CRIP3: variants seen among roughly 807,000 people sequenced by gnomAD.
CRIP3 encodes cysteine rich protein 3.
Under a neutral mutation model 30.3 loss-of-function variants are expected in CRIP3, and 23 were observed. The observed-to-expected ratio is 0.76, with a 90% CI of 0.55 to 1.08. The LOEUF (loss-of-function observed/expected upper bound fraction) is 1.08. CRIP3 is among the 50% of genes least tolerant of loss of function. The pLI, the probability that CRIP3 is intolerant of heterozygous loss-of-function variation, is 0.00. For missense variants in CRIP3, 261 were observed against 259.3 expected, an observed-to-expected ratio of 1.01 and a Z score of -0.04; for synonymous variants, 89 against 97.6, an observed-to-expected ratio of 0.91 and a Z score of 0.52.
Position 43,308,386 on chromosome 6 carries a change from TGC to T in CRIP3, c.65_66del (p.Gly22GlufsTer11). On this transcript the variant is annotated frameshift_variant, in exon 2 of 8. Coordinates refer to ENST00000372569, the MANE Select transcript of CRIP3 (RefSeq NM_206922.3). LOFTEE classifies it high-confidence loss of function. The stretch of plus-strand genomic sequence containing the variant: ...TTCAGGCAGAAGCGGTGCCAGTTCT[TGC>T]CCAGGGAGCTCACCTTCTCAGCTGT... ...VFFAEKVSSLGKNWHRFCLKC... is the reference protein window; with the variant it reads ...VFFAEKVSSLXKNWHRFCLKC... The T allele has an allele frequency of 6.2e-7, 1 of 1,612,968 alleles. No homozygotes were observed. Among genetic ancestry groups the T allele is most frequent in the Non-Finnish European group, 8.5e-7 (1 of 1,179,722 alleles).
At position 43,306,303 on chromosome 6, in the gene CRIP3, C is replaced by T. The variant is rs527909130; in HGVS notation, c.411G>A (p.Val137=). ...GGTGCCAATTTCTGCCTAATGACATCACCTTCTCAGCTGGTGGTGGAAAGA... is the reference window on the plus strand; with the variant it reads ...GGTGCCAATTTCTGCCTAATGACATTACCTTCTCAGCTGGTGGTGGAAAGA... ...CGEPVYFAEK[V]MSLGRNWHRP... The change falls in exon 6 of 8, where the codon GTG becomes GTA. Residue 137 remains valine (V), a synonymous_variant. Transcript: ENST00000372569. 1.9e-6 allele frequency: 3 copies of T among 1,614,108 alleles called. No homozygotes were observed. The South Asian group carries it at 3.3e-5, about 18-fold the overall frequency.
Position 43,305,826 on chromosome 6 carries a change from TA to T in CRIP3, c.602del (p.Ile201LysfsTer47), listed in dbSNP as rs1778913409. ...VGCYIYDPVK[I>X]KFK ...TTTTGTGAGCGTCTCATTTGAATTT[TA>T]TCTTCACTGGGTCATAGATGTAGCA... On this transcript the variant is annotated frameshift_variant, in exon 8 of 8. Transcript: ENST00000372569. LOFTEE classifies it high-confidence loss of function. 6.2e-7 allele frequency: 1 copy of T among 1,614,184 alleles called. No homozygotes were observed. The highest frequency in any genetic ancestry group is 8.5e-7 in the Non-Finnish European group (1 of 1,180,042).
chr6:43,305,570 G>T lies in CRIP3; in HGVS notation c.*244C>A. ...AGCTCCAGAATGTGCTGGGGAAAGG[G>T]GTTGTGATGGCCAGGAGGAGGATAC... is the stretch of plus-strand genomic sequence containing the variant. On this transcript the variant is annotated 3_prime_UTR_variant, in exon 8 of 8. Transcript: ENST00000372569. 1.7e-6 allele frequency: 1 copy of T among 577,940 alleles called. No individual in the cohort carries two copies. 35.8% of individuals were successfully genotyped at this position (577,940 alleles called of 1,614,324 possible).
Position 43,306,240 on chromosome 6 carries a change from C to G in CRIP3, c.474G>C (p.Leu158=). The G allele has an allele frequency of 6.2e-7, 1 of 1,614,188 alleles. No homozygotes were observed. The highest frequency in any genetic ancestry group is 8.5e-7 in the Non-Finnish European group (1 of 1,180,030). The stretch of plus-strand genomic sequence containing the variant: ...TCACCTCAGCATGACTCCCAGCAGT[C>G]AGGGTCTTGTGGCAACGCTGGCACC... ...CLRCQRCHKT[L]TAGSHAEHDG... The change falls in exon 6 of 8, where the codon CTG becomes CTC. Residue 158 remains leucine (L), a synonymous_variant. Transcript: ENST00000372569.
At chr6:43,305,973 C>T (rs1778920046) in intron 7 of CRIP3, 94 bp downstream of exon 7, 3 of 1,609,096 alleles carry the variant, frequency 1.9e-6, no homozygotes, top group Admixed American at 1.7e-5. Flanking sequence ...TGCTTAACCA[C>T]AGGGGAAGTT....
Position 43,305,811 on chromosome 6 carries a change from G to A in CRIP3, c.*3C>T, listed in dbSNP as rs377417533. The A allele has an allele frequency of 1.0e-4, 165 of 1,613,958 alleles. No individual in the cohort carries two copies. The highest frequency in any genetic ancestry group is 1.3e-4 in the East Asian group (6 of 44,888). ...AGTTAGGGTGACCTTTTTTGTGAGC[G>A]TCTCATTTGAATTTTATCTTCACTG... On this transcript the variant is annotated 3_prime_UTR_variant, in exon 8 of 8. Coordinates refer to ENST00000372569, the MANE Select transcript of CRIP3 (RefSeq NM_206922.3).
At chr6:43,306,008 T>C in intron 7 of CRIP3, 59 bp downstream of exon 7, 1 of 1,605,482 alleles carries the variant, frequency 6.2e-7, no homozygotes, top group Non-Finnish European at 8.5e-7. Context: ...ACAGACCATG[T>C]ACATGCCATA....
rs751268471 is a variant in CRIP3 at position 43,305,877 on chromosome 6, TGA to T, written c.554-4_554-3del. The T allele has an allele frequency of 1.1e-5, 17 of 1,613,894 alleles. No individual in the cohort carries two copies. The East Asian group carries it at 2.0e-4, about 19-fold the overall frequency. Reference sequence around the variant, plus strand: ...AGCCCACATCGCCAATGTTCACACCTGAGAGAGAGAGCCCTATCACCAAAGGC... The same window carrying T: ...AGCCCACATCGCCAATGTTCACACCTGAGAGAGAGCCCTATCACCAAAGGC... On this transcript the variant is annotated splice_region_variant and splice_polypyrimidine_tract_variant and intron_variant, in intron 7 of 7. Coordinates refer to ENST00000372569, the MANE Select transcript of CRIP3 (RefSeq NM_206922.3).
chr6:43,306,683 T>A, intron 4 of CRIP3, 166 bp from the exon 5 acceptor site: 1 of 609,602 alleles, frequency 1.6e-6, no homozygotes, highest in Non-Finnish European at 2.9e-6. Flanking sequence ...CCCCTCTGAC[T>A]CCACCTCCTG....
chr6:43,308,694 G>T lies in CRIP3; in HGVS notation c.43+56C>A, dbSNP rs760812676. The T allele has an allele frequency of 2.5e-6, 4 of 1,605,656 alleles. No individual in the cohort carries two copies. In the East Asian group the frequency reaches 8.9e-5, roughly 36 times the overall value. On this transcript the variant is annotated intron_variant, in intron 1 of 7. Coordinates refer to ENST00000372569, the MANE Select transcript of CRIP3 (RefSeq NM_206922.3). ...GTGGCTAGCCCTCCGCGTCCTCAGG[G>T]AATCCAGCGGCTCCCATTCGCCCCA... is the stretch of plus-strand genomic sequence containing the variant.
In CRIP3 at chr6:43,308,458, A is replaced by T; in HGVS notation, c.44-49T>A. 4 of 1,522,880 alleles carry T rather than the reference A, an allele frequency of 2.6e-6. No homozygotes were observed. In the South Asian group the frequency reaches 4.6e-5, roughly 17 times the overall value. 94.3% of individuals were successfully genotyped at this position (1,522,880 alleles called of 1,614,324 possible). A position where few individuals can be genotyped will look rare whatever the true frequency, so the allele number is the denominator to read the frequency against. On this transcript the variant is annotated intron_variant, in intron 1 of 7. Transcript: ENST00000372569. ...AGCTGCGAGGAGCCTGTCCAAGCAT[A>T]GGGCCCCTCCTTTCCCTCTTCGGCC...
chr6:43,305,666 C>T lies in CRIP3; in HGVS notation c.*148G>A. On this transcript the variant is annotated 3_prime_UTR_variant, in exon 8 of 8. Transcript: ENST00000372569. ...AAAAAATTGGCAGAGAAAGTCTAGA[C>T]TCTCTGGCCTACCATGGAGCCTAGG... 1.0e-6 allele frequency: 1 copy of T among 989,548 alleles called. No individual in the cohort carries two copies. The highest frequency in any genetic ancestry group is 1.6e-6 in the Non-Finnish European group (1 of 643,864). 61.3% of individuals were successfully genotyped at this position (989,548 alleles called of 1,614,324 possible). A position where few individuals can be genotyped will look rare whatever the true frequency, so the allele number is the denominator to read the frequency against.
chr6:43,308,538 G>A (rs1582564159), intron 1 of CRIP3, 129 bp from the exon 2 acceptor site: 1 of 919,492 alleles, frequency 1.1e-6, no homozygotes, highest in Non-Finnish European at 1.7e-6. Flanking sequence ...GTCTCCAGGA[G>A]GCCAGCTCCA....
intron 1 of CRIP3, 110 bp from the exon 2 acceptor site, chr6:43,308,519 G>T (rs1264966718): frequency 2.0e-6 from 2 of 991,180 alleles, no homozygotes; most frequent in African/African-American, 3.2e-5. Context: ...CTGCTTCCTG[G>T]AGATGAGTGT....
rs370256460 is a variant in CRIP3 at position 43,305,827 on chromosome 6, A to G, written c.602T>C (p.Ile201Thr). Residue 201 changes from isoleucine to threonine, a missense_variant, in exon 8 of 8, where the codon ATA becomes ACA. Transcript: ENST00000372569. ...VGCYIYDPVK[I>T]KFK Reference sequence around the variant, plus strand: ...TTTGTGAGCGTCTCATTTGAATTTTATCTTCACTGGGTCATAGATGTAGCA... The same window carrying G: ...TTTGTGAGCGTCTCATTTGAATTTTGTCTTCACTGGGTCATAGATGTAGCA... The G allele has an allele frequency of 3.7e-6, 6 of 1,614,038 alleles. No homozygotes were observed. Among genetic ancestry groups the G allele is most frequent in the African/African-American group, 1.3e-5 (1 of 74,976 alleles).
intron 4 of CRIP3, chr6:43,306,780 A>C (rs1299404076): frequency 2.4e-6 from 1 of 423,552 alleles, no homozygotes; most frequent in Admixed American, 4.1e-5. Flanking sequence ...CCACCATCCC[A>C]ACCCTGTTAG....
rs769640838 is a variant in CRIP3, at chr6:43,307,721, G to A, written c.219C>T (p.Gly73=). The change falls in exon 4 of 8, where the codon GGC becomes GGT. Residue 73 remains glycine, a synonymous_variant. Coordinates refer to ENST00000372569, the MANE Select transcript of CRIP3 (RefSeq NM_206922.3). ...GAGTGGGGGGATTGTACAAGTAGGA[G>A]CCTACACCACCAATGTTCACCCCTG... ...GPRGVNIGGV[G]SYLYNPPTPS... is the part of the protein sequence containing the mutation. 3.5e-5 allele frequency: 56 copies of A among 1,580,160 alleles called. 1 individual carries two copies. The highest frequency in any genetic ancestry group is 4.6e-5 in the Non-Finnish European group (53 of 1,159,184).
chr6:43,305,955 C>G (rs1196806909), intron 7 of CRIP3, 80 bp from the exon 8 acceptor site: 11 of 1,610,878 alleles, frequency 6.8e-6, no homozygotes, highest in Non-Finnish European at 9.3e-6. Context: ...GGTGGGGGGG[C>G]CAGGGTATGC....
intron 4 of CRIP3, chr6:43,306,841 G>A (rs1778945230): frequency 1.1e-5 from 3 of 277,128 alleles, no homozygotes; most frequent in South Asian, 7.3e-5. Context: ...GCCACAGCAC[G>A]GGTGTCAGGT....
Sources: gnomAD v4.1 joint callset for allele counts on GRCh38, gnomAD v4.1.1 for gene constraint, MANE v1.5 for transcripts, NCBI Gene and HGNC (gene_info 2026-07-23, HGNC 2026-07-21) for gene names.